Variants in PLCH2 observed in about 807,000 individuals in gnomAD.
PLCH2 encodes phospholipase C eta 2.
PLCH2 carries 98 observed loss-of-function variants against 134.7 expected under a neutral mutation model. The observed-to-expected ratio is 0.73, with a 90% CI of 0.62 to 0.86. The LOEUF (loss-of-function observed/expected upper bound fraction) is 0.86, where lower values mean the gene tolerates loss of function less well. Among genes scored for constraint, PLCH2 ranks in the 40% least tolerant of loss-of-function variants. The pLI, the probability that PLCH2 is intolerant of heterozygous loss-of-function variation, is 0.00. For missense variants in PLCH2, 1,994 were observed against 1,986.6 expected, an observed-to-expected ratio of 1.00 and a Z score of -0.07; for synonymous variants, 974 against 827.5, an observed-to-expected ratio of 1.18 and a Z score of -3.04.
rs772314119 is a variant in PLCH2, at chr1:2,432,269, T to C, written c.115+1640T>C. 3.1e-4 allele frequency among the ~76,000 whole-genome samples: 47 copies of C among 152,100 alleles called. 1 individual carries two copies. The highest frequency in any genetic ancestry group is 9.9e-4 in the African/African-American group (41 of 41,414). On this transcript the variant is annotated intron_variant, in intron 2 of 3. Coordinates refer to the PLCH2 transcript ENST00000609981. Reference sequence around the variant, plus strand: ...CTGAAGCGGTGGGCAGTGATGGGGATGGGGGTCAGGTCCGCTTGGGAGTGC... The same window carrying C: ...CTGAAGCGGTGGGCAGTGATGGGGACGGGGGTCAGGTCCGCTTGGGAGTGC...
chr1:2,492,905 C>T (rs538263379), intron 11 of PLCH2, among the ~76,000 whole-genome samples: 49 of 152,212 alleles, frequency 3.2e-4, no homozygotes, highest in Middle Eastern at 6.8e-3. Flanking sequence ...GGAGAGAAGC[C>T]GGTGGGTAAG....
At chr1:2,486,791 T>C in intron 5 of PLCH2, 116 bp from the exon 6 acceptor site, 1 of 792,648 alleles carries the variant, frequency 1.3e-6, no homozygotes, top group African/African-American at 1.7e-5. Flanking sequence ...TGGCTGGCCA[T>C]GGTCATCCCT....
intron 2 of PLCH2, among the ~76,000 whole-genome samples, chr1:2,462,406 T>C (rs1640866353): frequency 1.1e-5 from 1 of 92,288 alleles, no homozygotes; most frequent in Non-Finnish European, 2.2e-5. Context: ...CTGACACCCC[T>C]CTGCCTGACA....
In PLCH2 at chr1:2,504,418, C is replaced by T. The variant is rs747844916; in HGVS notation, c.3456C>T (p.Ser1152=). The part of the protein sequence containing the change: ...SVSSSSSMSS[S]DTVIDLSLPS... ...CCTCCTCCTCCAGCATGTCATCCAGCGACACTGTCATTGACCTCTCCCTGC... is the reference window on the plus strand; with the variant it reads ...CCTCCTCCTCCAGCATGTCATCCAGTGACACTGTCATTGACCTCTCCCTGC... Residue 1152 remains serine (S), a synonymous_variant, in exon 22 of 22, where the codon AGC becomes AGT. Coordinates refer to ENST00000378486, the MANE Select transcript of PLCH2 (RefSeq NM_014638.4). 35 of 1,612,482 alleles carry T rather than the reference C, an allele frequency of 2.2e-5. No homozygotes were observed. Among genetic ancestry groups the T allele is most frequent in the Middle Eastern group, 1.6e-4 (1 of 6,084 alleles).
intron 1 of PLCH2, among the ~76,000 whole-genome samples, chr1:2,477,722 G>T (rs1641710848): frequency 6.6e-6 from 1 of 152,202 alleles, no homozygotes. Flanking sequence ...GCCTGGGGGA[G>T]GGGAGGGGAG....
chr1:2,431,260 G>T (rs906660045), intron 2 of PLCH2, among the ~76,000 whole-genome samples: 7 of 152,100 alleles, frequency 4.6e-5, no homozygotes, highest in Non-Finnish European at 8.8e-5. Flanking sequence ...GAGCGTGTGT[G>T]CGTGTGTGCG....
At chr1:2,473,241 A>G (rs1019249364), upstream of PLCH2, among the ~76,000 whole-genome samples, 2 of 152,222 alleles carry the variant, frequency 1.3e-5, no homozygotes, top group East Asian at 1.9e-4. Flanking sequence ...GACAGGGAGG[A>G]CAACCCAAGG....
At chr1:2,473,126 C>T (rs562359255), upstream of PLCH2, among the ~76,000 whole-genome samples, 116 of 152,182 alleles carry the variant, frequency 7.6e-4, 2 homozygotes, top group African/African-American at 2.2e-3. Context: ...TCTGACAGCG[C>T]GCGCTCTTCC....
rs115901648 is a variant in PLCH2 at position 2,451,271 on chromosome 1, G to A, written c.115+20642G>A. On this transcript the variant is annotated intron_variant, in intron 2 of 3. Coordinates refer to the PLCH2 transcript ENST00000609981. ...CGGTGGTGGGCTTGCCTCGTGTCCC[G>A]ATTGTGGGGTCTGGGGCCAGAGATG... 2.4e-3 allele frequency among the ~76,000 whole-genome samples: 366 copies of A among 152,308 alleles called. 1 individual carries two copies. Among genetic ancestry groups the A allele is most frequent in the African/African-American group, 8.3e-3 (347 of 41,570 alleles).
intron 2 of PLCH2, among the ~76,000 whole-genome samples, chr1:2,454,644 G>A (rs947527541): frequency 1.6e-4 from 24 of 152,122 alleles, no homozygotes; most frequent in African/African-American, 4.8e-4. Context: ...TGAGGCCTCC[G>A]AGTGGGGAGG....
intron 2 of PLCH2, among the ~76,000 whole-genome samples, chr1:2,449,565 G>C (rs1640098283): frequency 1.3e-5 from 2 of 152,212 alleles, no homozygotes; most frequent in South Asian, 2.1e-4. Flanking sequence ...GCCCACACTT[G>C]AGGGAGTGGT....
At chr1:2,441,994 CAG>C (rs1384821944) in intron 2 of PLCH2, among the ~76,000 whole-genome samples, 3 of 152,112 alleles carry the variant, frequency 2.0e-5, no homozygotes, top group Admixed American at 1.3e-4. Context: ...ACACCCGGCA[CAG>C]AGTCTCCAGG....
intron 19 of PLCH2, 44 bp downstream of exon 19, chr1:2,499,274 C>A: frequency 6.2e-7 from 1 of 1,605,470 alleles, no homozygotes; most frequent in South Asian, 1.1e-5. Context: ...GGCCGAGGGC[C>A]CCAGGGCAGG....
At chr1:2,476,809 C>A in intron 1 of PLCH2, 97 bp downstream of exon 1, 1 of 1,298,348 alleles carries the variant, frequency 7.7e-7, no homozygotes, top group Non-Finnish European at 1.0e-6. Flanking sequence ...AAGCCTGGGC[C>A]TCCATCCCAT....
rs74378700 is a variant in PLCH2, at chr1:2,444,412, G to T, written c.115+13783G>T. On this transcript the variant is annotated intron_variant, in intron 2 of 3. Transcript: ENST00000609981. This position sits in a 1 kb window ranked among gnomAD's most constrained non-coding sequence, Gnocchi z 4.6. The stretch of plus-strand genomic sequence containing the variant: ...TGCCTGGGCTGCAGGTGCTCATCTG[G>T]GGGGAGCCGGCCTCTCCCCACACTA... Among the ~76,000 whole-genome samples, 1 of 152,292 alleles carries T rather than the reference G, an allele frequency of 6.6e-6. No homozygotes were observed. The highest frequency in any genetic ancestry group is 1.9e-4 in the East Asian group (1 of 5,162).
Position 2,505,015 on chromosome 1 carries a change from C to T in PLCH2, c.4053C>T (p.Ser1351=), listed in dbSNP as rs778750606. 9.7e-6 allele frequency: 15 copies of T among 1,542,438 alleles called. No individual in the cohort carries two copies. Among genetic ancestry groups the T allele is most frequent in the Non-Finnish European group, 1.1e-5 (13 of 1,150,414 alleles). Residue 1351 remains serine, a synonymous_variant, in exon 22 of 22, where the codon AGC becomes AGT. Transcript: ENST00000378486. ...ACAGCCGCGTGCGTGCCATTGCCAG[C>T]CGGGCCCGCCAGGCCCAGGAGCGGC... ...RSHSRVRAIA[S]RARQAQERQQ... is the part of the protein sequence containing the mutation.
chr1:2,476,753 C>T (rs1490800453), intron 1 of PLCH2, 41 bp downstream of exon 1: 1 of 1,545,828 alleles, frequency 6.5e-7, no homozygotes, highest in Non-Finnish European at 8.7e-7. Context: ...GAGTGCTGGC[C>T]CTGGCCAGGT....
At chr1:2,503,576 C>A in intron 21 of PLCH2, 1 of 684,552 alleles carries the variant, frequency 1.5e-6, no homozygotes. Context: ...ACCCCCCTGA[C>A]CAAGCTTTCC....
At chr1:2,490,016 G>A (rs1558014785) in intron 10 of PLCH2, 149 bp downstream of exon 10, 2 of 646,958 alleles carry the variant, frequency 3.1e-6, no homozygotes, top group Admixed American at 2.4e-5. Flanking sequence ...TGGGGCCTGG[G>A]GGGTCCTCCC....
Sources: allele counts gnomAD v4.1 joint callset (sites outside exome capture counted in the v4.1 genomes callset), GRCh38; gene constraint gnomAD v4.1.1; non-coding constraint Gnocchi (gnomAD v3.1); transcripts MANE v1.5; gene names NCBI Gene and HGNC (gene_info 2026-07-23, HGNC 2026-07-21).